GALNT17: variants seen among roughly 807,000 people sequenced by gnomAD.
GALNT17 encodes the protein polypeptide N-acetylgalactosaminyltransferase 17, also known as UDP-GalNAc:polypeptide N-acetylgalactosaminyltransferase-like 3.
A neutral mutation model predicts 63.7 loss-of-function variants in GALNT17; 29 were observed. The observed-to-expected ratio is 0.46, with a 90% confidence interval of 0.34 to 0.62. The LOEUF (loss-of-function observed/expected upper bound fraction) is 0.62. GALNT17 is among the 20% of genes least tolerant of loss of function. The pLI is 0.01. For missense variants in GALNT17, 603 were observed against 799.6 expected (o/e 0.75, Z 2.97); for synonymous variants, 305 against 318.3 (o/e 0.96, Z 0.45).
chr7:71,700,273 A>G (rs1791611771), intron 9 of GALNT17, among the ~76,000 whole-genome samples: 1 of 151,884 alleles, frequency 6.6e-6, no homozygotes, highest in East Asian at 1.9e-4. Context: ...ACGCCACTGC[A>G]CTACAGTTTG....
intron 1 of GALNT17, among the ~76,000 whole-genome samples, chr7:71,137,114 T>C (rs1454959783): frequency 6.9e-6 from 1 of 145,824 alleles, no homozygotes; most frequent in African/African-American, 2.5e-5. Flanking sequence ...GATAGGCCTT[T>C]TAAGGGCTGG....
At chr7:71,291,174 A>G (rs981236535) in intron 1 of GALNT17, among the ~76,000 whole-genome samples, 3 of 152,208 alleles carry the variant, frequency 2.0e-5, no homozygotes, top group Non-Finnish European at 2.9e-5. Context: ...ACTCCCAAAT[A>G]GCCAATTTCC....
intron 1 of GALNT17, among the ~76,000 whole-genome samples, chr7:71,277,855 G>A (rs1790709898): frequency 6.6e-6 from 1 of 152,214 alleles, no homozygotes; most frequent in Non-Finnish European, 1.5e-5. Flanking sequence ...TGTGCCATGG[G>A]CGGTCACCCG....
intron 5 of GALNT17, among the ~76,000 whole-genome samples, chr7:71,422,660 C>T (rs1786687954): frequency 6.6e-6 from 1 of 152,238 alleles, no homozygotes; most frequent in South Asian, 2.1e-4. Context: ...TGAGTGTTTA[C>T]AGCTCCCGAA....
chr7:71,340,427 A>G (rs2116121424), intron 2 of GALNT17, among the ~76,000 whole-genome samples: 1 of 152,294 alleles, frequency 6.6e-6, no homozygotes, highest in Non-Finnish European at 1.5e-5. Flanking sequence ...AAAATTATTC[A>G]GCCTAAGGAA....
At chr7:71,238,241 T>G (rs890177485) in intron 1 of GALNT17, among the ~76,000 whole-genome samples, 2 of 152,172 alleles carry the variant, frequency 1.3e-5, no homozygotes, top group Non-Finnish European at 2.9e-5. Flanking sequence ...TACTTTCTTT[T>G]GCAGTATTTC....
chr7:71,509,104 C>T (rs1047798490), intron 5 of GALNT17, among the ~76,000 whole-genome samples: 2 of 152,238 alleles, frequency 1.3e-5, no homozygotes, highest in African/African-American at 4.8e-5. Context: ...AAGCAATACA[C>T]ATTCAGTAGA....
At chr7:71,553,160 TA>T (rs949528670) in intron 5 of GALNT17, among the ~76,000 whole-genome samples, 4 of 150,844 alleles carry the variant, frequency 2.7e-5, no homozygotes, top group Non-Finnish European at 4.4e-5. Flanking sequence ...CTTTCTCTCT[TA>T]AAAAAAAATG....
At chr7:71,139,805 C>A (rs1322294102) in intron 1 of GALNT17, among the ~76,000 whole-genome samples, 1 of 152,048 alleles carries the variant, frequency 6.6e-6, no homozygotes, top group Non-Finnish European at 1.5e-5. Context: ...CCAGCCTGGC[C>A]AACATGGTGA....
At chr7:71,358,037 G>A (rs1420064980) in intron 2 of GALNT17, among the ~76,000 whole-genome samples, 3 of 152,172 alleles carry the variant, frequency 2.0e-5, no homozygotes, top group African/African-American at 4.8e-5. Flanking sequence ...CAACCCGCTC[G>A]GGTCCCCTTC....
chr7:71,309,358 G>T (rs912216450), intron 1 of GALNT17, among the ~76,000 whole-genome samples: 2 of 151,770 alleles, frequency 1.3e-5, no homozygotes, highest in African/African-American at 2.4e-5. Flanking sequence ...TGCTAAATTT[G>T]CTTCTTCCTT....
chr7:71,572,520 A>C lies in GALNT17; in HGVS notation c.1080+1118A>C, dbSNP rs970686229. On this transcript the variant is annotated intron_variant, in intron 6 of 10. Transcript: ENST00000333538. ...CTGTCTCATTAAAAAAAAAAAAAAA[A>C]AAAAAAAAAACTACATGTTTAAGGT... Among the ~76,000 whole-genome samples the C allele has an allele frequency of 2.5e-3, 370 of 149,196 alleles. 8 individuals are homozygous for C. The highest frequency in any genetic ancestry group is 7.6e-3 in the African/African-American group (306 of 40,338).
intron 4 of GALNT17, among the ~76,000 whole-genome samples, chr7:71,419,918 A>G (rs1786628233): frequency 6.6e-6 from 1 of 152,256 alleles, no homozygotes; most frequent in Non-Finnish European, 1.5e-5. Context: ...AAATAGAAAG[A>G]TGAGATGAGC....
intron 1 of GALNT17, among the ~76,000 whole-genome samples, chr7:71,221,037 C>T (rs1044666059): frequency 5.3e-5 from 8 of 152,124 alleles, no homozygotes; most frequent in South Asian, 2.1e-4. Flanking sequence ...GCATGCTGGG[C>T]GCTGAGCCTC....
At chr7:71,295,151 G>A (rs143185326) in intron 1 of GALNT17, among the ~76,000 whole-genome samples, 275 of 152,234 alleles carry the variant, frequency 1.8e-3, no homozygotes, top group African/African-American at 6.3e-3. Context: ...CTACGAGAAC[G>A]CTGCTGGCTT....
At chr7:71,427,942 T>C (rs1786790127) in intron 5 of GALNT17, among the ~76,000 whole-genome samples, 2 of 152,126 alleles carry the variant, frequency 1.3e-5, no homozygotes, top group African/African-American at 4.8e-5. Flanking sequence ...GGTAGAACAG[T>C]TTCATCCTGA....
chr7:71,246,178 A>G (rs373271575), intron 1 of GALNT17, among the ~76,000 whole-genome samples: 1 of 136,584 alleles, frequency 7.3e-6, no homozygotes, highest in African/African-American at 2.8e-5. Flanking sequence ...CTGGAGTGCA[A>G]TGGCGCGATC....
At chr7:71,416,551 G>A (rs780078563) in intron 4 of GALNT17, among the ~76,000 whole-genome samples, 1 of 152,048 alleles carries the variant, frequency 6.6e-6, no homozygotes, top group Non-Finnish European at 1.5e-5. Context: ...TGCCAAGGTT[G>A]CAGTGAGCCT....
chr7:71,269,184 G>T (rs780687400), intron 1 of GALNT17, among the ~76,000 whole-genome samples: 7 of 152,198 alleles, frequency 4.6e-5, no homozygotes, highest in Non-Finnish European at 8.8e-5. Flanking sequence ...GCCTTTTGTG[G>T]CCAGGCATCA....
Sources: allele counts gnomAD v4.1 joint callset (sites outside exome capture counted in the v4.1 genomes callset), GRCh38; gene constraint gnomAD v4.1.1; transcripts MANE v1.5; gene names NCBI Gene and HGNC (gene_info 2026-07-23, HGNC 2026-07-21).